SULT1B1: variants seen among roughly 807,000 people sequenced by gnomAD.
SULT1B1 encodes the protein sulfotransferase family 1B member 1.
In SULT1B1, 28 loss-of-function variants were observed where a neutral mutation model predicts 34.6. That is an observed-to-expected ratio of 0.81 (90% CI 0.60 to 1.11). SULT1B1 has a LOEUF of 1.11. SULT1B1 is among the 50% of genes least tolerant of loss of function. The pLI, the probability that SULT1B1 is intolerant of heterozygous loss-of-function variation, is 0.00. For missense variants in SULT1B1, 374 were observed against 352.2 expected, an observed-to-expected ratio of 1.06 and a Z score of -0.50; for synonymous variants, 147 against 110.2, an observed-to-expected ratio of 1.33 and a Z score of -2.09.
intron 1 of SULT1B1, among the ~76,000 whole-genome samples, chr4:69,758,150 G>A (rs1430672282): frequency 6.6e-6 from 1 of 152,288 alleles, no homozygotes; most frequent in Non-Finnish European, 1.5e-5. Flanking sequence ...AGCAGCTCAA[G>A]AAAGGAACAA....
rs576111849 is a variant in SULT1B1, at chr4:69,754,949, T to C, written c.148+121A>G. 1.7e-4 allele frequency: 212 copies of C among 1,231,442 alleles called. No homozygotes were observed. The African/African-American group carries it at 3.1e-3, about 18-fold the overall frequency. The allele number at this position is 1,231,442 out of a possible 1,614,324, so 76.3% of individuals were successfully genotyped here. A position where few individuals can be genotyped will look rare whatever the true frequency, so the allele number is the denominator to read the frequency against. On this transcript the variant is annotated intron_variant, in intron 2 of 7. Transcript: ENST00000310613. The stretch of plus-strand genomic sequence containing the variant: ...AAATGCCAATTTTAATATACTAAAA[T>C]AGATGGCTGCACAAAATGAATATTA...
At chr4:69,727,284 G>A (rs78342317) in intron 7 of SULT1B1, 84 bp from the exon 8 acceptor site, 17,750 of 974,820 alleles carry the variant, frequency 0.018, 528 homozygotes, top group Non-Finnish European at 0.016. Context: ...AAGATTAGAA[G>A]GCCTAAAGAA....
At chr4:69,729,491 C>T (rs911109212) in intron 7 of SULT1B1, among the ~76,000 whole-genome samples, 14 of 152,050 alleles carry the variant, frequency 9.2e-5, no homozygotes, top group Non-Finnish European at 1.9e-4. Context: ...TTTGCTCAAA[C>T]TTATAATGCA....
intron 4 of SULT1B1, among the ~76,000 whole-genome samples, chr4:69,746,695 A>G (rs946630706): frequency 6.6e-6 from 1 of 152,106 alleles, no homozygotes; most frequent in Non-Finnish European, 1.5e-5. Flanking sequence ...TATGTCTGTC[A>G]TTTCAACAAT....
At chr4:69,743,457 C>A (rs985190138) in intron 4 of SULT1B1, among the ~76,000 whole-genome samples, 5 of 152,162 alleles carry the variant, frequency 3.3e-5, no homozygotes, top group African/African-American at 1.2e-4. Context: ...AGAAAAAGCA[C>A]CACAAGTTCC....
intron 1 of SULT1B1, chr4:69,760,258 T>C (rs949221436): frequency 1.0e-6 from 1 of 980,814 alleles, no homozygotes; most frequent in Non-Finnish European, 1.2e-6. Context: ...CCACTAAATG[T>C]AGAAAAATAA....
At chr4:69,735,376 C>G (rs1375237232) in intron 4 of SULT1B1, among the ~76,000 whole-genome samples, 1 of 152,186 alleles carries the variant, frequency 6.6e-6, no homozygotes, top group African/African-American at 2.4e-5. Context: ...AAAGAGGAAG[C>G]CCAACAGAGA....
intron 4 of SULT1B1, among the ~76,000 whole-genome samples, chr4:69,735,772 C>T (rs903241134): frequency 1.3e-5 from 2 of 152,128 alleles, no homozygotes; most frequent in Non-Finnish European, 2.9e-5. Flanking sequence ...CATAAAAAAG[C>T]GTCAACATTC....
At chr4:69,742,727 A>G (rs541801757) in intron 4 of SULT1B1, among the ~76,000 whole-genome samples, 69 of 152,326 alleles carry the variant, frequency 4.5e-4, no homozygotes, top group Middle Eastern at 6.8e-3. Context: ...CACTTGGCTC[A>G]TGCTACCAGC....
chr4:69,727,651 A>G (rs1015678736), intron 7 of SULT1B1, among the ~76,000 whole-genome samples: 2 of 152,066 alleles, frequency 1.3e-5, no homozygotes, highest in African/African-American at 2.4e-5. Context: ...TAAAAAGTTG[A>G]TAAGTATCAT....
At chr4:69,731,896 T>A (rs1447643616) in intron 6 of SULT1B1, among the ~76,000 whole-genome samples, 2 of 152,194 alleles carry the variant, frequency 1.3e-5, no homozygotes, top group Non-Finnish European at 2.9e-5. Flanking sequence ...GATTTGGAAT[T>A]TGAATAACAG....
intron 4 of SULT1B1, among the ~76,000 whole-genome samples, chr4:69,748,284 C>T (rs1340084006): frequency 6.6e-6 from 1 of 152,028 alleles, no homozygotes; most frequent in Non-Finnish European, 1.5e-5. Context: ...TTACAAGGCA[C>T]ATTACATAAT....
chr4:69,754,371 G>T (rs541839983), intron 3 of SULT1B1, among the ~76,000 whole-genome samples: 1 of 152,082 alleles, frequency 6.6e-6, no homozygotes, highest in South Asian at 2.1e-4. Flanking sequence ...CCTAAATTAG[G>T]AACTTACTAA....
chr4:69,748,236 A>G (rs1718832018), intron 4 of SULT1B1, among the ~76,000 whole-genome samples: 1 of 152,190 alleles, frequency 6.6e-6, no homozygotes, highest in African/African-American at 2.4e-5. Flanking sequence ...GAGTGGCTAT[A>G]TCAATACAAG....
At chr4:69,757,046 T>C (rs780197356) in intron 1 of SULT1B1, among the ~76,000 whole-genome samples, 4 of 152,060 alleles carry the variant, frequency 2.6e-5, no homozygotes, top group Non-Finnish European at 4.4e-5. Context: ...CCCCATCAAT[T>C]GGACACATAA....
At chr4:69,730,419 T>C (rs865791395) in intron 7 of SULT1B1, 82 bp downstream of exon 7, 1 of 1,295,080 alleles carries the variant, frequency 7.7e-7, no homozygotes, top group East Asian at 2.4e-5. Flanking sequence ...AGAAACTTAG[T>C]AGAGATCACA....
rs879657340 is a variant in SULT1B1, at chr4:69,722,380, T to C, written c.*4708A>G. ...TGTTTTTTCCCTCAGTAATAGACCA[T>C]AGTATCAGAAATCCGTATATATTCA... On this transcript the variant is annotated 3_prime_UTR_variant, in exon 8 of 8. Coordinates refer to ENST00000310613, the MANE Select transcript of SULT1B1 (RefSeq NM_014465.4). 3 of 152,108 alleles carry C rather than the reference T, an allele frequency of 2.0e-5. No individual in the cohort carries two copies. Among genetic ancestry groups the C allele is most frequent in the Non-Finnish European group, 2.9e-5 (2 of 67,990 alleles). 9.4% of individuals were successfully genotyped at this position (152,108 alleles called of 1,614,324 possible). A position where few individuals can be genotyped will look rare whatever the true frequency, so the allele number is the denominator to read the frequency against.
intron 4 of SULT1B1, among the ~76,000 whole-genome samples, chr4:69,737,517 C>T (rs565781869): frequency 2.4e-4 from 36 of 152,182 alleles, no homozygotes; most frequent in African/African-American, 5.8e-4. Flanking sequence ...TTATCTGATG[C>T]GGTGTTCAGT....
At chr4:69,755,288 A>C (rs996347949) in intron 1 of SULT1B1, 27 bp from the exon 2 acceptor site, 5 of 1,534,336 alleles carry the variant, frequency 3.3e-6, no homozygotes, top group Non-Finnish European at 4.5e-6. Context: ...AATAAAAATC[A>C]GAATCTGAGT....
Sources: gnomAD v4.1 joint callset for allele counts (sites outside exome capture counted in the v4.1 genomes callset) on GRCh38, gnomAD v4.1.1 for gene constraint, MANE v1.5 for transcripts, NCBI Gene and HGNC (gene_info 2026-07-23, HGNC 2026-07-21) for gene names.